MAGEC3: variants seen among roughly 807,000 people sequenced by gnomAD.
The protein encoded by MAGEC3 is melanoma-associated antigen C3.
A neutral mutation model predicts 35.3 loss-of-function variants in MAGEC3; 34 were observed. That is an observed-to-expected ratio of 0.96 (90% CI 0.73 to 1.28). The LOEUF is 1.28. Ranked by LOEUF, MAGEC3 falls within the 50% of genes most tolerant of loss-of-function variation. MAGEC3 has a pLI of 0.00. For missense variants in MAGEC3, 561 were observed against 483.6 expected (o/e 1.16, Z -1.50); for synonymous variants, 202 against 185.6 (o/e 1.09, Z -0.72).
intron 1 of MAGEC3, among the ~76,000 whole-genome samples, chrX:141,849,110 T>C (rs1276053210): frequency 8.2e-5 from 9 of 109,889 alleles, no homozygotes; most frequent in Non-Finnish European, 1.7e-4. Context: ...AAAAGAAAAC[T>C]CAGAAATAAA....
At chrX:141,865,670 C>T in intron 2 of MAGEC3, 65 bp downstream of exon 2, 2 of 1,094,953 alleles carry the variant, frequency 1.8e-6, no homozygotes, top group Admixed American at 2.5e-5. Flanking sequence ...TTAGCCCTGC[C>T]CTCCCTGTGC....
rs780277817 is a variant in MAGEC3, at chrX:141,870,729, T to C, written c.258+5124T>C. ...AACTTTTAGCAATTTTTAACTTTCA[T>C]GTATAACCTGTTAAGTTTTTTAAAT... is the stretch of plus-strand genomic sequence containing the variant. On this transcript the variant is annotated intron_variant, in intron 2 of 7. Coordinates refer to ENST00000298296, the MANE Select transcript of MAGEC3 (RefSeq NM_138702.1). Among the ~76,000 whole-genome samples the C allele has an allele frequency of 7.1e-5, 8 of 112,280 alleles. No individual in the cohort carries two copies. The South Asian group carries it at 2.2e-3, about 31-fold the overall frequency.
intron 1 of MAGEC3, among the ~76,000 whole-genome samples, chrX:141,855,873 T>C (rs2017777526): frequency 1.8e-5 from 2 of 111,826 alleles, no homozygotes; most frequent in African/African-American, 3.2e-5. Flanking sequence ...TAAGCATATT[T>C]GAAATAGAAC....
In MAGEC3 at chrX:141,897,362, G is replaced by A; in HGVS notation, c.1604G>A (p.Gly535Glu). Residue 535 changes from glycine to glutamate, a missense_variant, in exon 7 of 8, where the codon GGA becomes GAA. By Grantham distance (98) the Gly-to-Glu change is moderately conservative. Transcript: ENST00000298296. Reference protein sequence around the residue: ...FEDTLDLTYEGSLIDDQGMPK... With the variant: ...FEDTLDLTYEESLIDDQGMPK... ...GACACATTAGACCTCACCTATGAGG[G>A]AAGCCTGATTGATGACCAGGGCATG... is the stretch of plus-strand genomic sequence containing the variant. 8.3e-7 allele frequency: 1 copy of A among 1,211,814 alleles called. No homozygotes were observed. Among genetic ancestry groups the A allele is most frequent in the Admixed American group, 2.2e-5 (1 of 46,066 alleles).
intron 4 of MAGEC3, among the ~76,000 whole-genome samples, chrX:141,886,070 C>T (rs1249973804): frequency 9.0e-6 from 1 of 110,922 alleles, no homozygotes; most frequent in Non-Finnish European, 1.9e-5. Flanking sequence ...TGGCAGCACT[C>T]GACCATCAAA....
intron 1 of MAGEC3, among the ~76,000 whole-genome samples, chrX:141,855,457 C>T (rs985796374): frequency 2.7e-5 from 3 of 111,459 alleles, no homozygotes; most frequent in Admixed American, 1.9e-4. Flanking sequence ...ACTGAGACTA[C>T]ACTCAAGAAC....
intron 1 of MAGEC3, among the ~76,000 whole-genome samples, chrX:141,864,578 A>G (rs2017836510): frequency 9.0e-6 from 1 of 111,163 alleles, no homozygotes; most frequent in Non-Finnish European, 1.9e-5. Flanking sequence ...AAATTATGAG[A>G]ACACATAGAT....
intron 1 of MAGEC3, among the ~76,000 whole-genome samples, chrX:141,847,984 G>C (rs1020783440): frequency 9.0e-6 from 1 of 110,706 alleles, no homozygotes; most frequent in East Asian, 2.8e-4. Flanking sequence ...AAGAAATTAG[G>C]AGAGTGGATA....
intron 6 of MAGEC3, among the ~76,000 whole-genome samples, chrX:141,895,925 G>T (rs1023586128): frequency 8.9e-6 from 1 of 111,897 alleles, no homozygotes; most frequent in Admixed American, 9.4e-5. Flanking sequence ...GTGGTAGAGT[G>T]CTGGGAGGTG....
chrX:141,875,715 G>T (rs1420631050), intron 2 of MAGEC3, among the ~76,000 whole-genome samples: 1 of 111,930 alleles, frequency 8.9e-6, no homozygotes, highest in African/African-American at 3.3e-5. Context: ...TCATCCATAA[G>T]AAATGCTCCC....
intron 4 of MAGEC3, among the ~76,000 whole-genome samples, chrX:141,892,853 A>G (rs1261686958): frequency 1.8e-5 from 2 of 112,168 alleles, no homozygotes; most frequent in East Asian, 5.6e-4. Context: ...ATTGGACTTA[A>G]TTAAAACTAA....
At chrX:141,846,091 A>G (rs1173826289) in intron 1 of MAGEC3, among the ~76,000 whole-genome samples, 1 of 110,047 alleles carries the variant, frequency 9.1e-6, no homozygotes, top group Non-Finnish European at 1.9e-5. Flanking sequence ...AGGTAAGTTC[A>G]TTTCCACCAA....
rs1231273635 is a variant in MAGEC3 at position 141,881,791 on chromosome X, A to G, written c.904A>G (p.Ile302Val). The G allele has an allele frequency of 8.3e-7, 1 of 1,211,404 alleles. No individual in the cohort carries two copies. Among genetic ancestry groups the G allele is most frequent in the East Asian group, 3.0e-5 (1 of 33,795 alleles). Reference sequence around the variant, plus strand: ...GGTCATCTGGGAAGTGCTGAATGCAATAGGGGTGTGTGCTCAGAGGGAGCA... The same window carrying G: ...GGTCATCTGGGAAGTGCTGAATGCAGTAGGGGTGTGTGCTCAGAGGGAGCA... Reference protein sequence around the residue: ...EEVIWEVLNAIGPWSALAGFA... With the variant: ...EEVIWEVLNAVGPWSALAGFA... The change falls in exon 4 of 8, where the codon ATA becomes GTA. Residue 302 changes from isoleucine (I) to valine (V), a missense_variant. Physicochemically the swap from Ile to Val is conservative, Grantham distance 29 (BLOSUM62 3). Coordinates refer to ENST00000298296, the MANE Select transcript of MAGEC3 (RefSeq NM_138702.1).
At chrX:141,882,232 CAA>C (rs1316996520) in intron 4 of MAGEC3, among the ~76,000 whole-genome samples, 2 of 111,765 alleles carry the variant, frequency 1.8e-5, no homozygotes, top group Non-Finnish European at 3.8e-5. Flanking sequence ...CTTGAGGGAA[CAA>C]TACAGTGTTC....
intron 2 of MAGEC3, among the ~76,000 whole-genome samples, chrX:141,868,039 T>C (rs1165137556): frequency 2.7e-5 from 3 of 109,647 alleles, no homozygotes; most frequent in Non-Finnish European, 3.8e-5. Flanking sequence ...AGCAGAATGG[T>C]GTGAACCCGG....
At chrX:141,865,405 T>A in intron 1 of MAGEC3, 66 bp from the exon 2 acceptor site, 5 of 1,072,356 alleles carry the variant, frequency 4.7e-6, no homozygotes. Flanking sequence ...AAGAATAGAG[T>A]AGATCTTCCA....
intron 3 of MAGEC3, 85 bp downstream of exon 3, chrX:141,879,516 A>T: frequency 2.1e-6 from 2 of 971,761 alleles, no homozygotes; most frequent in Non-Finnish European, 2.7e-6. Context: ...AGGGGTGGAA[A>T]GGGTCGGGGA....
At chrX:141,842,588 A>G (rs1007204819) in intron 1 of MAGEC3, among the ~76,000 whole-genome samples, 1 of 111,521 alleles carries the variant, frequency 9.0e-6, no homozygotes, top group South Asian at 3.8e-4. Flanking sequence ...AGAAAGAAAT[A>G]CATCCCCTTT....
intron 4 of MAGEC3, among the ~76,000 whole-genome samples, chrX:141,884,328 G>A (rs746819984): frequency 8.1e-5 from 9 of 111,562 alleles, no homozygotes; most frequent in Non-Finnish European, 1.7e-4. Context: ...TTTTTCCTGT[G>A]CTGGATGCTT....
Sources: allele counts gnomAD v4.1 joint callset (sites outside exome capture counted in the v4.1 genomes callset), GRCh38; gene constraint gnomAD v4.1.1; transcripts MANE v1.5; gene names NCBI Gene and HGNC (gene_info 2026-07-23, HGNC 2026-07-21).